RBKS: variants seen among roughly 807,000 people sequenced by gnomAD.
The protein encoded by RBKS is ribokinase.
A neutral mutation model predicts 33.9 loss-of-function variants in RBKS; 33 were observed. The observed-to-expected ratio is 0.97, with a 90% CI of 0.74 to 1.30. RBKS has a LOEUF of 1.30. RBKS is among the 50% of genes most tolerant of loss of function. The pLI, the probability that RBKS is intolerant of heterozygous loss-of-function variation, is 0.00. For synonymous variants in RBKS, 125 were observed against 143.0 expected (o/e 0.87, Z 0.90); for missense variants, 361 against 392.6 (o/e 0.92, Z 0.68).
At chr2:27,791,613 T>TAC (rs59707075) in intron 7 of RBKS, among the ~76,000 whole-genome samples, 29,868 of 140,730 alleles carry the variant, frequency 0.21, 3,905 homozygotes, top group East Asian at 0.59. Flanking sequence ...ATAATAAATC[T>TAC]ACACACACAC....
chr2:27,786,752 G>A (rs1218694821), intron 7 of RBKS, among the ~76,000 whole-genome samples: 1 of 149,274 alleles, frequency 6.7e-6, no homozygotes, highest in Admixed American at 6.7e-5. Context: ...CTGCACTCTC[G>A]CCTGGGCGAC....
At chr2:27,859,535 T>C (rs1489554657) in intron 1 of RBKS, among the ~76,000 whole-genome samples, 2 of 152,082 alleles carry the variant, frequency 1.3e-5, no homozygotes, top group Non-Finnish European at 2.9e-5. Context: ...AAATAAAATA[T>C]TTGAAGGATG....
intron 6 of RBKS, among the ~76,000 whole-genome samples, chr2:27,831,124 CTA>C (rs1558544150): frequency 1.3e-5 from 2 of 152,166 alleles, no homozygotes; most frequent in Non-Finnish European, 2.9e-5. Flanking sequence ...TCAAACCATG[CTA>C]TCCCCTGTGT....
chr2:27,871,921 C>T (rs1664219608), intron 1 of RBKS, among the ~76,000 whole-genome samples: 1 of 152,222 alleles, frequency 6.6e-6, no homozygotes, highest in Non-Finnish European at 1.5e-5. Flanking sequence ...CTCAGCTCCA[C>T]CTTAGATCAT....
intron 1 of RBKS, among the ~76,000 whole-genome samples, chr2:27,883,239 A>G (rs1208897687): frequency 6.8e-6 from 1 of 147,580 alleles, no homozygotes; most frequent in South Asian, 2.1e-4. Flanking sequence ...TCGCTCTGTC[A>G]CCCAGGCTGG....
chr2:27,801,950 G>GAAAAAAAAAAA (rs1217494223), intron 7 of RBKS, among the ~76,000 whole-genome samples: 3 of 40,520 alleles, frequency 7.4e-5, no homozygotes, highest in African/African-American at 3.5e-4. Flanking sequence ...AGTAGCTGGG[G>GAAAAAAAAAAA]AAAAAAAAAA....
chr2:27,854,765 T>A (rs77037197), intron 2 of RBKS, among the ~76,000 whole-genome samples: 1 of 151,466 alleles, frequency 6.6e-6, no homozygotes, highest in African/African-American at 2.4e-5. Context: ...TTTTTTTTTT[T>A]AATATTTAAC....
chr2:27,878,362 A>G (rs1340752488), intron 1 of RBKS, among the ~76,000 whole-genome samples: 2 of 151,160 alleles, frequency 1.3e-5, no homozygotes, highest in Non-Finnish European at 3.0e-5. Flanking sequence ...ACATGAACTC[A>G]TCATTTTTTA....
rs530232868 is a variant in RBKS at position 27,804,940 on chromosome 2, T to C, written c.795+22627A>G. Among the ~76,000 whole-genome samples the C allele has an allele frequency of 3.3e-5, 5 of 151,998 alleles. No homozygotes were observed. The South Asian group carries it at 8.3e-4, about 25-fold the overall frequency. ...TACTCTGGAGGTTGAGGTGGGAGGA[T>C]TGTTGAAGCCCAGGAAGTCGAGGCT... On this transcript the variant is annotated intron_variant, in intron 7 of 7. Transcript: ENST00000302188.
chr2:27,790,135 T>TG (rs2148182910), intron 7 of RBKS, among the ~76,000 whole-genome samples: 1 of 151,898 alleles, frequency 6.6e-6, no homozygotes, highest in African/African-American at 2.4e-5. Context: ...ACACTGCACC[T>TG]GGCCCATGAT....
intron 2 of RBKS, among the ~76,000 whole-genome samples, chr2:27,854,664 T>C (rs1663818206): frequency 6.6e-6 from 1 of 152,186 alleles, no homozygotes; most frequent in African/African-American, 2.4e-5. Flanking sequence ...CATGTAAATA[T>C]AGTTGCTAAC....
rs1678362466 is a variant in RBKS at position 27,828,607 on chromosome 2, C to T, written c.607-852G>A. ...CCTCTCCTACTCATTCAGTCTGTGA[C>T]CTTCCCCACACCAATTACAATCTGT... is the stretch of plus-strand genomic sequence containing the variant. On this transcript the variant is annotated intron_variant, in intron 6 of 7. Coordinates refer to ENST00000302188, the MANE Select transcript of RBKS (RefSeq NM_022128.3). Among the ~76,000 whole-genome samples the T allele has an allele frequency of 2.6e-5, 4 of 152,216 alleles. No individual in the cohort carries two copies. In the South Asian group the frequency reaches 8.3e-4, roughly 32 times the overall value.
At chr2:27,870,864 A>G (rs1330564848) in intron 1 of RBKS, 1 of 461,020 alleles carries the variant, frequency 2.2e-6, no homozygotes, top group Admixed American at 2.3e-5. Context: ...ACAAAAGTGC[A>G]CATAACATAT....
intron 7 of RBKS, among the ~76,000 whole-genome samples, chr2:27,796,370 T>C (rs1327898904): frequency 6.6e-6 from 1 of 152,216 alleles, no homozygotes; most frequent in East Asian, 1.9e-4. Context: ...TTTAACCTTT[T>C]ACTGAAAATT....
intron 1 of RBKS, among the ~76,000 whole-genome samples, chr2:27,886,867 T>C (rs1050108643): frequency 2.0e-5 from 3 of 152,174 alleles, no homozygotes; most frequent in African/African-American, 7.2e-5. Context: ...CTCTCTTCCT[T>C]ATCTCACTTG....
At position 27,781,492 on chromosome 2, in the gene RBKS, C is replaced by T. The variant is rs868826904; in HGVS notation, c.*123G>A. 1.5e-5 allele frequency: 11 copies of T among 729,436 alleles called. No homozygotes were observed. Among genetic ancestry groups the T allele is most frequent in the African/African-American group, 5.4e-5 (3 of 55,184 alleles). The allele number at this position is 729,436 out of a possible 1,614,324, so 45.2% of individuals were successfully genotyped here. A position where few individuals can be genotyped will look rare whatever the true frequency, so the allele number is the denominator to read the frequency against. ...ATAAATTGAAGCTTGAGGATGACTT[C>T]GTAAAAGAACTAATATTTGCAAAGA... On this transcript the variant is annotated 3_prime_UTR_variant, in exon 8 of 8. Coordinates refer to ENST00000302188, the MANE Select transcript of RBKS (RefSeq NM_022128.3).
intron 7 of RBKS, among the ~76,000 whole-genome samples, chr2:27,822,468 C>T (rs1010035385): frequency 6.6e-6 from 1 of 152,204 alleles, no homozygotes; most frequent in African/African-American, 2.4e-5. Context: ...ATCCTTGAGA[C>T]AGCCGGGATG....
At chr2:27,786,063 G>T (rs182404470) in intron 7 of RBKS, among the ~76,000 whole-genome samples, 1 of 152,168 alleles carries the variant, frequency 6.6e-6, no homozygotes, top group East Asian at 1.9e-4. Flanking sequence ...GAAAAAATGA[G>T]GTTTCAGCAT....
At chr2:27,787,443 TAAAAC>T (rs561120677) in intron 7 of RBKS, among the ~76,000 whole-genome samples, 2 of 151,864 alleles carry the variant, frequency 1.3e-5, no homozygotes, top group Non-Finnish European at 2.9e-5. Flanking sequence ...AACAAACAAA[TAAAAC>T]AAATAAATAG....
Sources: gnomAD v4.1 joint callset for allele counts (sites outside exome capture counted in the v4.1 genomes callset) on GRCh38, gnomAD v4.1.1 for gene constraint, MANE v1.5 for transcripts, NCBI Gene and HGNC (gene_info 2026-07-23, HGNC 2026-07-21) for gene names.